Variants in MECOM observed in about 807,000 individuals in gnomAD.
The protein encoded by MECOM is histone-lysine N-methyltransferase MECOM.
In MECOM, 13 loss-of-function variants were observed where a neutral mutation model predicts 116.3. The observed-to-expected ratio is 0.11, with a 90% CI of 0.07 to 0.18. The LOEUF is 0.18. Ranked by LOEUF, MECOM falls within the 10% of genes least tolerant of loss-of-function variation. MECOM has a pLI of 1.00. For synonymous variants in MECOM, 528 were observed against 535.2 expected, an observed-to-expected ratio of 0.99 and a Z score of 0.19; for missense variants, 1,299 against 1,509.0, an observed-to-expected ratio of 0.86 and a Z score of 2.31.
At chr3:169,143,280 T>A (rs6778131) in intron 3 of MECOM, among the ~76,000 whole-genome samples, 97,505 of 151,942 alleles carry the variant, frequency 0.64, 31,878 homozygotes, top group African/African-American at 0.73. Flanking sequence ...ATACTATGCA[T>A]ATACATTTCA....
At chr3:169,551,644 T>G (rs148478604) in intron 1 of MECOM, among the ~76,000 whole-genome samples, 2 of 152,226 alleles carry the variant, frequency 1.3e-5, no homozygotes, top group African/African-American at 4.8e-5. Flanking sequence ...CAAGACACTT[T>G]GGCACTTTTT....
At chr3:169,594,931 G>A (rs752665646) in intron 1 of MECOM, among the ~76,000 whole-genome samples, 1 of 151,358 alleles carries the variant, frequency 6.6e-6, no homozygotes, top group Non-Finnish European at 1.5e-5. Context: ...ATTAATGGGG[G>A]AGGGAGGGCT....
Position 169,332,992 on chromosome 3 carries a change from T to G in MECOM, c.375+48195A>C, listed in dbSNP as rs560074924. Among the ~76,000 whole-genome samples the G allele has an allele frequency of 5.9e-5, 9 of 152,302 alleles. No individual in the cohort carries two copies. In the East Asian group the frequency reaches 1.7e-3, roughly 29 times the overall value. On this transcript the variant is annotated intron_variant, in intron 2 of 16. Transcript: ENST00000651503. ...CACAGCATTGAAGAAAAAATACTTTTTAACAAAAGAAAGTTTTCTAGAAAA... is the reference window on the plus strand; with the variant it reads ...CACAGCATTGAAGAAAAAATACTTTGTAACAAAAGAAAGTTTTCTAGAAAA...
At chr3:169,090,629 A>G (rs939810829) in intron 14 of MECOM, among the ~76,000 whole-genome samples, 2 of 151,990 alleles carry the variant, frequency 1.3e-5, no homozygotes, top group East Asian at 3.9e-4. Flanking sequence ...AGATTTCTGG[A>G]AAATTCATAT....
intron 1 of MECOM, among the ~76,000 whole-genome samples, chr3:169,545,139 G>T (rs1760570172): frequency 6.6e-6 from 1 of 152,156 alleles, no homozygotes; most frequent in Non-Finnish European, 1.5e-5. Context: ...GGTATTATTT[G>T]TATCAGCTGC....
chr3:169,540,396 C>CA (rs1217162301), intron 1 of MECOM, among the ~76,000 whole-genome samples: 1 of 152,140 alleles, frequency 6.6e-6, no homozygotes, highest in Admixed American at 6.5e-5. Context: ...TGTGTTATCT[C>CA]TCCCCTGCAT....
chr3:169,246,386 C>G (rs1464966236), intron 2 of MECOM, among the ~76,000 whole-genome samples: 1 of 152,070 alleles, frequency 6.6e-6, no homozygotes, highest in East Asian at 1.9e-4. Context: ...TAGGTACATC[C>G]CAAACCACAA....
chr3:169,415,221 C>T (rs183182738), intron 1 of MECOM, among the ~76,000 whole-genome samples: 1 of 152,238 alleles, frequency 6.6e-6, no homozygotes, highest in Admixed American at 6.5e-5. Context: ...AAAGTGGAGG[C>T]CAATATTCAA....
intron 13 of MECOM, among the ~76,000 whole-genome samples, chr3:169,093,545 A>C (rs574166692): frequency 1.5e-4 from 23 of 152,336 alleles, no homozygotes; most frequent in African/African-American, 5.1e-4. Flanking sequence ...AGCATATAAC[A>C]AAATACAGTT....
chr3:169,270,133 G>A (rs1758757242), intron 2 of MECOM, among the ~76,000 whole-genome samples: 1 of 152,140 alleles, frequency 6.6e-6, no homozygotes, highest in Non-Finnish European at 1.5e-5. Context: ...TAAACTCACT[G>A]ATCCCGGTAA....
chr3:169,121,531 C>T (rs1413486038), intron 6 of MECOM, among the ~76,000 whole-genome samples: 1 of 151,964 alleles, frequency 6.6e-6, no homozygotes, highest in Admixed American at 6.6e-5. Flanking sequence ...GCTGGTTAAG[C>T]CATTATTAAA....
At chr3:169,552,237 G>A (rs182949840) in intron 1 of MECOM, among the ~76,000 whole-genome samples, 74 of 151,064 alleles carry the variant, frequency 4.9e-4, no homozygotes, top group Admixed American at 2.2e-3. Flanking sequence ...TGAAGAAATC[G>A]TAGTCAGGAT....
chr3:169,100,158 G>T (rs564300684), intron 12 of MECOM, among the ~76,000 whole-genome samples: 11 of 135,964 alleles, frequency 8.1e-5, no homozygotes, highest in African/African-American at 3.1e-4. Context: ...GAGTGCAGTG[G>T]TGCAATCTTG....
intron 2 of MECOM, among the ~76,000 whole-genome samples, chr3:169,361,331 C>G (rs1241514474): frequency 6.6e-6 from 1 of 151,774 alleles, no homozygotes; most frequent in Admixed American, 6.6e-5. Flanking sequence ...AAGGCCACTT[C>G]CCAGTGGTAT....
At chr3:169,279,012 G>C (rs1759954666) in intron 2 of MECOM, among the ~76,000 whole-genome samples, 1 of 152,160 alleles carries the variant, frequency 6.6e-6, no homozygotes, top group Non-Finnish European at 1.5e-5. Flanking sequence ...CTGAATGAAA[G>C]GGATAAAAAC....
intron 12 of MECOM, among the ~76,000 whole-genome samples, chr3:169,097,823 A>ATT (rs1553818472): frequency 8.2e-6 from 1 of 122,180 alleles, no homozygotes; most frequent in Non-Finnish European, 1.6e-5. Flanking sequence ...TATATAAAAA[A>ATT]AAAAAAAAAA....
In MECOM at chr3:169,606,987, T is replaced by C. The variant is rs963526885; in HGVS notation, c.37+56349A>G. Among the ~76,000 whole-genome samples, 7 of 152,206 alleles carry C rather than the reference T, an allele frequency of 4.6e-5. No homozygotes were observed. The South Asian group carries it at 1.0e-3, about 23-fold the overall frequency. On this transcript the variant is annotated intron_variant, in intron 1 of 16. Coordinates refer to ENST00000651503, the MANE Select transcript of MECOM (RefSeq NM_004991.4). ...AGTATAGCTCAAGTCGTAGTGTTAT[T>C]AAAAGGACAGAGAAGGGGAATAGAT...
intron 2 of MECOM, among the ~76,000 whole-genome samples, chr3:169,154,733 T>C (rs1387188896): frequency 2.0e-5 from 3 of 152,218 alleles, no homozygotes; most frequent in Non-Finnish European, 2.9e-5. Context: ...GAAGAGGATA[T>C]AGGATATAGT....
chr3:169,617,775 A>C (rs1367875945), intron 1 of MECOM, among the ~76,000 whole-genome samples: 2 of 152,130 alleles, frequency 1.3e-5, no homozygotes, highest in Non-Finnish European at 2.9e-5. Context: ...TCATACTGAT[A>C]ATTGTTTTAG....
Sources: allele counts gnomAD v4.1 joint callset (sites outside exome capture counted in the v4.1 genomes callset), GRCh38; gene constraint gnomAD v4.1.1; transcripts MANE v1.5; gene names NCBI Gene and HGNC (gene_info 2026-07-23, HGNC 2026-07-21).